SMC3: variants seen among roughly 807,000 people sequenced by gnomAD.
SMC3 encodes the protein structural maintenance of chromosomes protein 3.
In SMC3, 20 loss-of-function variants were observed where a neutral mutation model predicts 171.8. The observed-to-expected ratio is 0.12, with a 90% confidence interval of 0.08 to 0.17. The LOEUF (loss-of-function observed/expected upper bound fraction) is 0.17. Ranked by LOEUF, SMC3 falls within the 10% of genes least tolerant of loss-of-function variation. The pLI, the probability that SMC3 is intolerant of heterozygous loss-of-function variation, is 1.00. For missense variants in SMC3, 543 were observed against 1,420.4 expected (o/e 0.38, Z 9.93); for synonymous variants, 464 against 451.1 (o/e 1.03, Z -0.36).
chr10:110,594,983 GTCT>G (rs1861273963), intron 18 of SMC3, among the ~76,000 whole-genome samples: 2 of 148,510 alleles, frequency 1.3e-5, no homozygotes, highest in Admixed American at 6.7e-5. Context: ...TGCATATAGT[GTCT>G]TCTCTTTATT....
At chr10:110,585,133 A>G (rs540983516) in intron 13 of SMC3, among the ~76,000 whole-genome samples, 1 of 151,842 alleles carries the variant, frequency 6.6e-6, no homozygotes, top group South Asian at 2.1e-4. Flanking sequence ...GGCATGCACC[A>G]CCAAGCCCAG....
chr10:110,595,533 T>C (rs998784148), intron 18 of SMC3, among the ~76,000 whole-genome samples: 8 of 152,228 alleles, frequency 5.3e-5, no homozygotes, highest in African/African-American at 1.2e-4. Context: ...TTTAATAATA[T>C]GTGAGATTAT....
chr10:110,591,029 C>T lies in SMC3; in HGVS notation c.1709C>T (p.Thr570Met), dbSNP rs767014638. ...ATTGTTGATTCAGATGAAGTCAGCA[C>T]GAAGATTTTAATGGAGTTTAATAAA... ...YHIVDSDEVS[T>M]KILMEFNKMN... is the part of the protein sequence containing the mutation. Residue 570 changes from threonine to methionine, a missense_variant, in exon 17 of 29, where the codon ACG becomes ATG. Physicochemically the swap from Thr to Met is moderately conservative, Grantham distance 81. Coordinates refer to ENST00000361804, the MANE Select transcript of SMC3 (RefSeq NM_005445.4). The T allele has an allele frequency of 3.7e-6, 6 of 1,612,548 alleles. No homozygotes were observed. The highest frequency in any genetic ancestry group is 2.2e-5 in the East Asian group (1 of 44,868).
intron 19 of SMC3, among the ~76,000 whole-genome samples, chr10:110,597,742 A>G (rs1372210074): frequency 1.3e-5 from 2 of 152,266 alleles, no homozygotes; most frequent in Admixed American, 6.5e-5. Flanking sequence ...TATTCCACAC[A>G]TGGCAAGAAC....
At chr10:110,598,995 T>G (rs1861344531) in intron 20 of SMC3, among the ~76,000 whole-genome samples, 1 of 151,914 alleles carries the variant, frequency 6.6e-6, no homozygotes, top group Admixed American at 6.6e-5. Context: ...AACTTGACAG[T>G]TTTGACAAAT....
At chr10:110,598,570 C>T (rs7084753) in intron 20 of SMC3, among the ~76,000 whole-genome samples, 387 of 152,134 alleles carry the variant, frequency 2.5e-3, no homozygotes, top group African/African-American at 7.6e-3. Context: ...CCACATCCGG[C>T]TAATTTTGTG....
intron 19 of SMC3, among the ~76,000 whole-genome samples, chr10:110,597,232 A>G (rs1275606888): frequency 6.6e-6 from 1 of 151,420 alleles, no homozygotes; most frequent in Non-Finnish European, 1.5e-5. Context: ...ATGTTAGTGG[A>G]GGAAATGGCT....
chr10:110,567,816 C>T lies in SMC3; in HGVS notation c.-1C>T, dbSNP rs1860796015. 1 of 1,613,536 alleles carries T rather than the reference C, an allele frequency of 6.2e-7. No individual in the cohort carries two copies. The highest frequency in any genetic ancestry group is 8.5e-7 in the Non-Finnish European group (1 of 1,179,802). On this transcript the variant is annotated 5_prime_UTR_variant, in exon 1 of 29. Coordinates refer to ENST00000361804, the MANE Select transcript of SMC3 (RefSeq NM_005445.4). Reference sequence around the variant, plus strand: ...TCCTTCCAGGCCAGGGGCCCGGAATCATGTACATAAAGCAGGTAAGGCCTT... The same window carrying T: ...TCCTTCCAGGCCAGGGGCCCGGAATTATGTACATAAAGCAGGTAAGGCCTT...
At chr10:110,587,839 A>ATATC (rs1170603390) in intron 13 of SMC3, among the ~76,000 whole-genome samples, 5 of 152,244 alleles carry the variant, frequency 3.3e-5, no homozygotes, top group Non-Finnish European at 1.5e-5. Context: ...GTGTTCAGAT[A>ATATC]GCCTGGGGAT....
chr10:110,599,018 A>G (rs913520519), intron 20 of SMC3, among the ~76,000 whole-genome samples: 1 of 151,934 alleles, frequency 6.6e-6, no homozygotes, highest in African/African-American at 2.4e-5. Flanking sequence ...TTTACTTAGT[A>G]TAATACTAAA....
chr10:110,583,628 G>T lies in SMC3; in HGVS notation c.969+80G>T, dbSNP rs949989698. ...TAGAAGACAGCCCTTTCTGTGACTG[G>T]TGTGTGTTGGAATTTTTTTTTAAGC... On this transcript the variant is annotated intron_variant, in intron 11 of 28. Transcript: ENST00000361804. 6 of 1,469,448 alleles carry T rather than the reference G, an allele frequency of 4.1e-6. No homozygotes were observed. In the South Asian group the frequency reaches 7.0e-5, roughly 17 times the overall value. The allele number at this position is 1,469,448 out of a possible 1,614,324, so 91.0% of individuals were successfully genotyped here.
chr10:110,590,949 C>T (rs753029732), intron 16 of SMC3, 42 bp from the exon 17 acceptor site: 1 of 1,596,892 alleles, frequency 6.3e-7, no homozygotes, highest in Admixed American at 1.7e-5. Flanking sequence ...TAGGGAGACC[C>T]TGAGTACCAA....
rs201799192 is a variant in SMC3 at position 110,601,944 on chromosome 10, A to G, written c.2893-22A>G. ...CTCAGTATATAAATTTATTTATATG[A>G]ATACATATTTTCTCTTTATAGTTGT... is the stretch of plus-strand genomic sequence containing the variant. On this transcript the variant is annotated intron_variant, in intron 24 of 28. Transcript: ENST00000361804. 2,379 of 1,607,072 alleles carry G rather than the reference A, an allele frequency of 1.5e-3. 3 individuals carry two copies. Among genetic ancestry groups the G allele is most frequent in the Non-Finnish European group, 1.9e-3 (2,186 of 1,174,776 alleles).
chr10:110,596,222 CA>C lies in SMC3; in HGVS notation c.1964-156del, dbSNP rs55837501. Reference sequence around the variant, plus strand: ...GAGCAACAAGAGCAAGACCCTGTCTCAAAAAAAAAAAAAAAAAAAATCTAGC... The same window carrying C: ...GAGCAACAAGAGCAAGACCCTGTCTCAAAAAAAAAAAAAAAAAAATCTAGC... On this transcript the variant is annotated intron_variant, in intron 18 of 28. Transcript: ENST00000361804. 0.11 allele frequency among the ~76,000 whole-genome samples: 14,145 copies of C among 124,646 alleles called. 800 individuals carry two copies. Among genetic ancestry groups the C allele is most frequent in the East Asian group, 0.26 (1,137 of 4,408 alleles). 81.8% of individuals were successfully genotyped at this position (124,646 alleles called of 152,430 possible). A position where few individuals can be genotyped will look rare whatever the true frequency, so the allele number is the denominator to read the frequency against.
rs746319149 is a variant in SMC3 at position 110,593,236 on chromosome 10, A to G, written c.1963+13A>G. On this transcript the variant is annotated intron_variant, in intron 18 of 28. Coordinates refer to ENST00000361804, the MANE Select transcript of SMC3 (RefSeq NM_005445.4). Reference sequence around the variant, plus strand: ...ATTACTTTGGAAGGTTTGTAATACTAATTCTTAGCTTTAAACAGATAAATT... The same window carrying G: ...ATTACTTTGGAAGGTTTGTAATACTGATTCTTAGCTTTAAACAGATAAATT... 2 of 1,612,024 alleles carry G rather than the reference A, an allele frequency of 1.2e-6. No individual in the cohort carries two copies. The highest frequency in any genetic ancestry group is 1.7e-6 in the Non-Finnish European group (2 of 1,178,092).
At position 110,601,814 on chromosome 10, in the gene SMC3, A is replaced by G. The variant is rs1185927710; in HGVS notation, c.2822A>G (p.Lys941Arg). 1.2e-6 allele frequency: 2 copies of G among 1,613,848 alleles called. No homozygotes were observed. The highest frequency in any genetic ancestry group is 8.5e-7 in the Non-Finnish European group (1 of 1,179,896). Residue 941 changes from lysine (K) to arginine (R), a missense_variant, in exon 24 of 29, where the codon AAG (lysine) becomes AGG (arginine). By Grantham distance (26) the Lys-to-Arg change is conservative (BLOSUM62 2). Around this residue, in one of 8 missense-constraint regions of SMC3, gnomAD observed 81 missense variants for 184.2 expected, o/e 0.44. Transcript: ENST00000361804. ...TTGAAGAAGAAAGAAGAGTGTATGAAGAAAATTCGAGAACTTGGATCACTT... is the reference window on the plus strand; with the variant it reads ...TTGAAGAAGAAAGAAGAGTGTATGAGGAAAATTCGAGAACTTGGATCACTT... ...MLLKKKEECM[K>R]KIRELGSLPQ...
chr10:110,572,617 G>C (rs1226995548), intron 2 of SMC3, among the ~76,000 whole-genome samples: 1 of 152,136 alleles, frequency 6.6e-6, no homozygotes, highest in Non-Finnish European at 1.5e-5. Flanking sequence ...TGTTTCCACT[G>C]TGTAGGTATT....
At position 110,582,626 on chromosome 10, in the gene SMC3, C is replaced by T. The variant is rs1250138701; in HGVS notation, c.788C>T (p.Ala263Val). 6.2e-7 allele frequency: 1 copy of T among 1,611,552 alleles called. No individual in the cohort carries two copies. Among genetic ancestry groups the T allele is most frequent in the Admixed American group, 1.7e-5 (1 of 59,992 alleles). ...CAATTAAGAGATGCTCAGCAGGATG[C>T]AAGAGATAAAATGGAGGTAAGATTA... is the stretch of plus-strand genomic sequence containing the variant. Reference protein sequence around the residue: ...SRQLRDAQQDARDKMEDIERQ... With the variant: ...SRQLRDAQQDVRDKMEDIERQ... The change falls in exon 10 of 29, where the codon GCA becomes GTA. Residue 263 changes from alanine to valine, a missense_variant. By Grantham distance (64) the Ala-to-Val change is moderately conservative. This residue lies in a region of SMC3 where 146 missense variants were observed against 437.9 expected (regional missense o/e 0.33). Coordinates refer to ENST00000361804, the MANE Select transcript of SMC3 (RefSeq NM_005445.4).
chr10:110,604,113 AAAAAC>A, intron 28 of SMC3, 113 bp from the exon 29 acceptor site: 1 of 552,232 alleles, frequency 1.8e-6, no homozygotes, highest in South Asian at 1.8e-5. Context: ...AAAAAAAAAA[AAAAAC>A]TAAAAATTAA....
Sources: allele counts gnomAD v4.1 joint callset (sites outside exome capture counted in the v4.1 genomes callset), GRCh38; gene constraint gnomAD v4.1.1; regional missense constraint gnomAD v4.1.1; transcripts MANE v1.5; gene names NCBI Gene and HGNC (gene_info 2026-07-23, HGNC 2026-07-21).